ANO3: variants seen among roughly 807,000 people sequenced by gnomAD.
ANO3 encodes anoctamin-3.
In ANO3, 99 loss-of-function variants were observed where a neutral mutation model predicts 144.8. The ratio of observed to expected loss-of-function variants is 0.68; its 90% confidence interval spans 0.58 to 0.81. ANO3 has a LOEUF of 0.81. ANO3 is among the 30% of genes least tolerant of loss of function. The pLI is 0.00. For synonymous variants in ANO3, 414 were observed against 392.6 expected (o/e 1.05, Z -0.64); for missense variants, 905 against 1,202.2 (o/e 0.75, Z 3.66).
chr11:26,613,257 T>C (rs1319107956), intron 17 of ANO3, among the ~76,000 whole-genome samples: 2 of 152,200 alleles, frequency 1.3e-5, no homozygotes, highest in Non-Finnish European at 2.9e-5. Context: ...ATATATTATT[T>C]GATTTGGTCT....
At chr11:26,602,690 A>G (rs367923833) in intron 17 of ANO3, among the ~76,000 whole-genome samples, 4 of 150,232 alleles carry the variant, frequency 2.7e-5, no homozygotes, top group East Asian at 2.0e-4. Context: ...GGCCAAAGCT[A>G]CAATAAGCTG....
At chr11:26,593,444 G>A (rs1851511765) in intron 14 of ANO3, among the ~76,000 whole-genome samples, 1 of 152,158 alleles carries the variant, frequency 6.6e-6, no homozygotes, top group South Asian at 2.1e-4. Context: ...CAGATCTGGA[G>A]GACAGATGTC....
chr11:26,344,090 G>T (rs1855435482), intron 1 of ANO3, among the ~76,000 whole-genome samples: 1 of 152,102 alleles, frequency 6.6e-6, no homozygotes, highest in African/African-American at 2.4e-5. Flanking sequence ...CTCTGAATTT[G>T]CATTTATTTC....
intron 4 of ANO3, among the ~76,000 whole-genome samples, chr11:26,470,491 A>G (rs1859742057): frequency 6.6e-6 from 1 of 151,876 alleles, no homozygotes; most frequent in African/African-American, 2.4e-5. Flanking sequence ...TCACATTGTA[A>G]TTTGTGGTGG....
At chr11:26,300,846 C>CT (rs1005461874) in intron 1 of ANO3, among the ~76,000 whole-genome samples, 10 of 141,360 alleles carry the variant, frequency 7.1e-5, no homozygotes, top group Admixed American at 2.1e-4. Flanking sequence ...TTATTTCTTT[C>CT]TTTTTTTTCT....
Position 26,656,166 on chromosome 11 carries a change from A to T in ANO3, c.2618A>T (p.Asp873Val). The change falls in exon 25 of 27, where the codon GAC (aspartate) becomes GTC (valine). Residue 873 changes from aspartate to valine, a missense_variant. By Grantham distance (152) the Asp-to-Val change is radical. This residue lies in a region of ANO3 where 597 missense variants were observed against 865.1 expected (regional missense o/e 0.69). Coordinates refer to ENST00000256737, the MANE Select transcript of ANO3 (RefSeq NM_031418.4). ...GTCAACAATAGCCTATCCTTCTTTG[A>T]CCTGAGTGAGCTTGGTATGGGAAAA... Reference protein sequence around the residue: ...GYVNNSLSFFDLSELGMGKSG... With the variant: ...GYVNNSLSFFVLSELGMGKSG... 1 of 1,613,678 alleles carries T rather than the reference A, an allele frequency of 6.2e-7. No homozygotes were observed.
chr11:26,572,190 G>A (rs1850855410), intron 14 of ANO3: 1 of 985,346 alleles, frequency 1.0e-6, no homozygotes, highest in African/African-American at 1.7e-5. Context: ...AAAATTAGGT[G>A]GGGCTGGCTG....
chr11:26,295,582 AT>A (rs1375634145), intron 1 of ANO3, among the ~76,000 whole-genome samples: 1 of 151,736 alleles, frequency 6.6e-6, no homozygotes, highest in Non-Finnish European at 1.5e-5. Flanking sequence ...ATTAAATAAT[AT>A]TTTGTAATAC....
intron 1 of ANO3, among the ~76,000 whole-genome samples, chr11:26,213,612 T>A (rs1851978984): frequency 6.6e-6 from 1 of 152,064 alleles, no homozygotes; most frequent in African/African-American, 2.4e-5. Context: ...AAACCACTGC[T>A]CAAGGAAATA....
chr11:26,569,136 T>C (rs1339874668), intron 14 of ANO3, among the ~76,000 whole-genome samples: 3 of 152,052 alleles, frequency 2.0e-5, no homozygotes, highest in Admixed American at 2.0e-4. Context: ...GTGAATTCTG[T>C]TGTTCCTGTT....
intron 5 of ANO3, among the ~76,000 whole-genome samples, chr11:26,509,961 G>C (rs1318325562): frequency 6.6e-6 from 1 of 151,764 alleles, no homozygotes; most frequent in East Asian, 1.9e-4. Flanking sequence ...GGCCAACGTG[G>C]TGAAAACCCA....
intron 1 of ANO3, among the ~76,000 whole-genome samples, chr11:26,258,088 C>G (rs941556410): frequency 6.6e-6 from 1 of 152,020 alleles, no homozygotes; most frequent in African/African-American, 2.4e-5. Context: ...GTTAATAACA[C>G]AATATTTTCA....
intron 14 of ANO3, chr11:26,563,395 C>CTG (rs71047867): frequency 0.034 from 18,048 of 536,852 alleles, 225 homozygotes; most frequent in East Asian, 0.19. Flanking sequence ...GTTTCTCTCT[C>CTG]TGTGTGTGTG....
chr11:26,289,459 C>A (rs1391755058), intron 1 of ANO3, among the ~76,000 whole-genome samples: 2 of 148,136 alleles, frequency 1.4e-5, no homozygotes. Context: ...TATAGCACTG[C>A]CTATTTTGCC....
upstream of ANO3, among the ~76,000 whole-genome samples, chr11:26,330,207 G>C (rs1252100515): frequency 2.6e-5 from 4 of 152,098 alleles, no homozygotes; most frequent in Admixed American, 2.6e-4. Flanking sequence ...TAGAATCAAT[G>C]AGTTGGTTCA....
At chr11:26,309,861 T>G (rs1854468259) in intron 1 of ANO3, 1 of 194,350 alleles carries the variant, frequency 5.1e-6, no homozygotes, top group African/African-American at 2.4e-5. Flanking sequence ...ATATGTGACA[T>G]TTAGCTCATC....
At chr11:26,455,191 C>G (rs61879977) in intron 3 of ANO3, among the ~76,000 whole-genome samples, 40 of 146,100 alleles carry the variant, frequency 2.7e-4, no homozygotes, top group East Asian at 6.1e-4. Flanking sequence ...TCTCACCACT[C>G]CTATTCAACA....
chr11:26,207,950 A>G (rs1226450950), intron 1 of ANO3: 3 of 152,184 alleles, frequency 2.0e-5, no homozygotes, highest in Non-Finnish European at 4.4e-5. Flanking sequence ...GTGGCTTATA[A>G]CAACAGAAAT....
chr11:26,367,656 T>C (rs568152124), intron 1 of ANO3, among the ~76,000 whole-genome samples: 1 of 152,270 alleles, frequency 6.6e-6, no homozygotes, highest in East Asian at 1.9e-4. Flanking sequence ...TACATAGAAA[T>C]ACTTGAGGCT....
Sources: gnomAD v4.1 joint callset for allele counts (sites outside exome capture counted in the v4.1 genomes callset) on GRCh38, gnomAD v4.1.1 for gene constraint, gnomAD v4.1.1 regional missense constraint, MANE v1.5 for transcripts, NCBI Gene and HGNC (gene_info 2026-07-23, HGNC 2026-07-21) for gene names.